The following RHOJ variants were observed in gnomAD, a reference collection of about 807,000 sequenced individuals.
RHOJ encodes ras homolog family member J.
RHOJ carries 11 observed loss-of-function variants against 23.4 expected under a neutral mutation model. The observed-to-expected ratio is 0.47, with a 90% CI of 0.30 to 0.78. The LOEUF (loss-of-function observed/expected upper bound fraction) is 0.78. RHOJ is among the 30% of genes least tolerant of loss of function. The pLI is 0.08. For synonymous variants in RHOJ, 102 were observed against 102.7 expected (o/e 0.99, Z 0.04); for missense variants, 254 against 273.4 (o/e 0.93, Z 0.50).
intron 1 of RHOJ, among the ~76,000 whole-genome samples, chr14:63,243,532 G>T (rs574950684): frequency 1.3e-5 from 2 of 152,196 alleles, no homozygotes; most frequent in East Asian, 3.9e-4. Flanking sequence ...TAGAGACGGG[G>T]TTTCCCCATG....
chr14:63,269,607 G>T (rs1027130934), intron 2 of RHOJ, among the ~76,000 whole-genome samples: 4 of 152,142 alleles, frequency 2.6e-5, no homozygotes, highest in Non-Finnish European at 5.9e-5. Flanking sequence ...ATTGGTGGGG[G>T]TGAGGGGAGG....
intron 4 of RHOJ, among the ~76,000 whole-genome samples, chr14:63,289,729 G>T (rs1882188214): frequency 6.6e-6 from 1 of 152,086 alleles, no homozygotes; most frequent in Non-Finnish European, 1.5e-5. Context: ...CTCATGAGAG[G>T]TTTGTGATTA....
At chr14:63,279,528 A>C (rs938206851) in intron 2 of RHOJ, among the ~76,000 whole-genome samples, 1 of 152,250 alleles carries the variant, frequency 6.6e-6, no homozygotes, top group Non-Finnish European at 1.5e-5. Context: ...AACATTTTAC[A>C]TACAGTAAAA....
intron 1 of RHOJ, among the ~76,000 whole-genome samples, chr14:63,206,596 T>C (rs139387315): frequency 1.3e-5 from 2 of 152,288 alleles, no homozygotes; most frequent in African/African-American, 4.8e-5. Flanking sequence ...TTCAAATGCC[T>C]ATGAAACTTA....
At chr14:63,209,935 GA>G (rs1392702654) in intron 1 of RHOJ, among the ~76,000 whole-genome samples, 1 of 149,110 alleles carries the variant, frequency 6.7e-6, no homozygotes, top group Non-Finnish European at 1.5e-5. Flanking sequence ...ATATAGCATT[GA>G]ATTTTCTTTT....
intron 1 of RHOJ, among the ~76,000 whole-genome samples, chr14:63,231,999 A>G (rs1228927912): frequency 6.6e-6 from 1 of 152,198 alleles, no homozygotes; most frequent in African/African-American, 2.4e-5. Flanking sequence ...TGGTGCACAC[A>G]TGTGTGACAG....
chr14:63,251,740 A>G (rs1157746752), intron 1 of RHOJ, among the ~76,000 whole-genome samples: 1 of 152,244 alleles, frequency 6.6e-6, no homozygotes, highest in Non-Finnish European at 1.5e-5. Context: ...TTTATTTAGT[A>G]AGTATTTTAT....
At chr14:63,248,931 G>T (rs7154910) in intron 1 of RHOJ, among the ~76,000 whole-genome samples, 1 of 151,954 alleles carries the variant, frequency 6.6e-6, no homozygotes, top group South Asian at 2.1e-4. Flanking sequence ...CACTTCCCCC[G>T]CATCTCCACC....
chr14:63,278,527 T>C (rs1881802693), intron 2 of RHOJ, among the ~76,000 whole-genome samples: 1 of 152,070 alleles, frequency 6.6e-6, no homozygotes, highest in Admixed American at 6.5e-5. Context: ...GCTGCACCCA[T>C]CAACCCGTTA....
At chr14:63,237,480 T>A (rs1894810434) in intron 1 of RHOJ, among the ~76,000 whole-genome samples, 1 of 152,230 alleles carries the variant, frequency 6.6e-6, no homozygotes, top group African/African-American at 2.4e-5. Flanking sequence ...AAAAAGTGTC[T>A]GCTCTTGAAA....
intron 2 of RHOJ, among the ~76,000 whole-genome samples, chr14:63,269,688 A>G (rs1895431294): frequency 6.6e-6 from 1 of 152,188 alleles, no homozygotes; most frequent in African/African-American, 2.4e-5. Flanking sequence ...CCAAAATGAG[A>G]GTCAACCCTG....
intron 1 of RHOJ, among the ~76,000 whole-genome samples, chr14:63,219,117 C>T (rs546101412): frequency 6.6e-6 from 1 of 152,294 alleles, no homozygotes; most frequent in South Asian, 2.1e-4. Context: ...AGCTTGTTCC[C>T]TGTGAAATGA....
At chr14:63,207,748 C>T (rs1430759567) in intron 1 of RHOJ, among the ~76,000 whole-genome samples, 1 of 152,166 alleles carries the variant, frequency 6.6e-6, no homozygotes, top group Non-Finnish European at 1.5e-5. Flanking sequence ...TACTTTGTGG[C>T]CTTGAGCAAG....
At chr14:63,280,016 CTTTTG>C (rs922960629) in intron 2 of RHOJ, among the ~76,000 whole-genome samples, 3 of 151,728 alleles carry the variant, frequency 2.0e-5, no homozygotes, top group African/African-American at 7.3e-5. Context: ...AACTTTTGGT[CTTTTG>C]TTTTATTTTG....
At chr14:63,227,480 C>T (rs540153017) in intron 1 of RHOJ, among the ~76,000 whole-genome samples, 1 of 152,066 alleles carries the variant, frequency 6.6e-6, no homozygotes, top group South Asian at 2.1e-4. Context: ...ATATATTTAG[C>T]ACAATCTTAA....
At chr14:63,274,320 G>A (rs1256092060) in intron 2 of RHOJ, among the ~76,000 whole-genome samples, 2 of 152,118 alleles carry the variant, frequency 1.3e-5, no homozygotes, top group Non-Finnish European at 2.9e-5. Context: ...TCTTCATGTG[G>A]GATTTTCAGG....
chr14:63,217,605 A>G (rs1410674930), intron 1 of RHOJ, among the ~76,000 whole-genome samples: 1 of 152,156 alleles, frequency 6.6e-6, no homozygotes, highest in African/African-American at 2.4e-5. Flanking sequence ...AAACCTAGGC[A>G]TTACCATTCA....
chr14:63,230,104 G>C (rs1894663513), intron 1 of RHOJ, among the ~76,000 whole-genome samples: 1 of 152,070 alleles, frequency 6.6e-6, no homozygotes, highest in Non-Finnish European at 1.5e-5. Context: ...AGGGCAGAGT[G>C]GGGTGGCAGT....
chr14:63,237,748 A>G (rs1009183525), intron 1 of RHOJ, among the ~76,000 whole-genome samples: 1 of 152,232 alleles, frequency 6.6e-6, no homozygotes, highest in Non-Finnish European at 1.5e-5. Flanking sequence ...TTAAAGTTTG[A>G]TTTTTTATGA....
Sources: gnomAD v4.1 joint callset for allele counts (sites outside exome capture counted in the v4.1 genomes callset) on GRCh38, gnomAD v4.1.1 for gene constraint, MANE v1.5 for transcripts, NCBI Gene and HGNC (gene_info 2026-07-23, HGNC 2026-07-21) for gene names.